MACROD2: variants seen among roughly 807,000 people sequenced by gnomAD.
MACROD2 encodes ADP-ribose glycohydrolase MACROD2.
A neutral mutation model predicts 70.4 loss-of-function variants in MACROD2; 36 were observed. The ratio of observed to expected loss-of-function variants is 0.51; its 90% confidence interval spans 0.39 to 0.68. MACROD2 has a LOEUF of 0.68. MACROD2 is among the 30% of genes least tolerant of loss of function. The probability of loss-of-function intolerance (pLI) is 0.00; values close to 1 mark genes in which losing one functional copy is unlikely to be tolerated. For missense variants in MACROD2, 496 were observed against 538.4 expected (o/e 0.92, Z 0.78); for synonymous variants, 172 against 178.8 (o/e 0.96, Z 0.30).
intron 6 of MACROD2, among the ~76,000 whole-genome samples, chr20:15,285,686 T>G (rs2077484651): frequency 6.6e-6 from 1 of 152,134 alleles, no homozygotes; most frequent in Non-Finnish European, 1.5e-5. Context: ...CCTGTACTGG[T>G]TTTAGGTATG....
At chr20:15,740,180 G>A (rs1039871936) in intron 8 of MACROD2, among the ~76,000 whole-genome samples, 10 of 152,152 alleles carry the variant, frequency 6.6e-5, no homozygotes, top group Admixed American at 2.0e-4. Flanking sequence ...TTGAGACTTG[G>A]AATGCTATCT....
chr20:14,167,879 C>A (rs1250990585), intron 3 of MACROD2, among the ~76,000 whole-genome samples: 3 of 152,162 alleles, frequency 2.0e-5, no homozygotes, highest in Non-Finnish European at 4.4e-5. Context: ...TAACTCTGTT[C>A]ATCTCACCCC....
intron 4 of MACROD2, among the ~76,000 whole-genome samples, chr20:14,617,984 C>G (rs1350099735): frequency 1.3e-5 from 2 of 152,130 alleles, no homozygotes; most frequent in Non-Finnish European, 2.9e-5. Flanking sequence ...AATCTCTCTT[C>G]TTTTGCGGAA....
At chr20:14,611,597 C>T (rs902505351) in intron 4 of MACROD2, among the ~76,000 whole-genome samples, 2 of 151,768 alleles carry the variant, frequency 1.3e-5, no homozygotes, top group African/African-American at 2.4e-5. Context: ...TTTGCTGTAC[C>T]GAAGGGCCTG....
chr20:15,618,095 CTTTTTTT>C (rs398035424), intron 8 of MACROD2, among the ~76,000 whole-genome samples: 1 of 70,840 alleles, frequency 1.4e-5, no homozygotes, highest in Non-Finnish European at 2.5e-5. Flanking sequence ...CATCATTAGT[CTTTTTTT>C]TTTTTTTTTT....
chr20:14,028,462 T>C (rs981941939), intron 2 of MACROD2, among the ~76,000 whole-genome samples: 3 of 151,984 alleles, frequency 2.0e-5, no homozygotes, highest in African/African-American at 7.3e-5. Context: ...CAGGCGCCAC[T>C]GGGGTATGAA....
intron 5 of MACROD2, among the ~76,000 whole-genome samples, chr20:14,735,753 G>C (rs2071656541): frequency 6.6e-6 from 1 of 152,110 alleles, no homozygotes; most frequent in South Asian, 2.1e-4. Flanking sequence ...GGGAGGCTGA[G>C]GTGGAAGGAT....
chr20:14,600,911 T>C (rs868148355), intron 4 of MACROD2, among the ~76,000 whole-genome samples: 1 of 152,174 alleles, frequency 6.6e-6, no homozygotes. Context: ...GTCTCATGTA[T>C]TATATAGAAA....
chr20:14,362,655 T>G (rs2083233180), intron 3 of MACROD2, among the ~76,000 whole-genome samples: 1 of 152,102 alleles, frequency 6.6e-6, no homozygotes. Flanking sequence ...GAATCTTTGA[T>G]CTCTTGGGCT....
At chr20:15,759,331 C>T (rs1475433176) in intron 8 of MACROD2, among the ~76,000 whole-genome samples, 1 of 151,966 alleles carries the variant, frequency 6.6e-6, no homozygotes, top group Non-Finnish European at 1.5e-5. Flanking sequence ...TTATATATTA[C>T]TAATGGAACT....
chr20:14,185,281 A>C (rs1262848373), intron 3 of MACROD2, among the ~76,000 whole-genome samples: 1 of 152,112 alleles, frequency 6.6e-6, no homozygotes, highest in Admixed American at 6.6e-5. Context: ...CATTTTCTTA[A>C]AGTTTTTATA....
At chr20:14,224,994 T>C (rs1051284960) in intron 3 of MACROD2, among the ~76,000 whole-genome samples, 1 of 152,230 alleles carries the variant, frequency 6.6e-6, no homozygotes, top group Non-Finnish European at 1.5e-5. Context: ...TTTCCTGGGA[T>C]TAAATTCCAG....
intron 8 of MACROD2, among the ~76,000 whole-genome samples, chr20:15,816,486 A>C (rs2063876850): frequency 6.6e-6 from 1 of 152,164 alleles, no homozygotes; most frequent in African/African-American, 2.4e-5. Context: ...CAAAAAAAAA[A>C]TAGATTTTCA....
intron 2 of MACROD2, among the ~76,000 whole-genome samples, chr20:14,011,875 C>T (rs557518015): frequency 6.6e-6 from 1 of 151,784 alleles, no homozygotes; most frequent in Non-Finnish European, 1.5e-5. Context: ...CCTTCTGCCT[C>T]TTGGTCAACA....
chr20:14,331,363 T>C (rs964438144), intron 3 of MACROD2, among the ~76,000 whole-genome samples: 1 of 152,150 alleles, frequency 6.6e-6, no homozygotes, highest in Non-Finnish European at 1.5e-5. Flanking sequence ...TTATTTTACC[T>C]GTTTTACATT....
chr20:15,800,598 C>T (rs1214235295), intron 8 of MACROD2, among the ~76,000 whole-genome samples: 4 of 152,148 alleles, frequency 2.6e-5, no homozygotes, highest in Non-Finnish European at 5.9e-5. Flanking sequence ...TGAGCCACCC[C>T]GTCCGGGAGG....
At chr20:15,545,177 AT>A (rs2048010548) in intron 8 of MACROD2, among the ~76,000 whole-genome samples, 1 of 152,212 alleles carries the variant, frequency 6.6e-6, no homozygotes, top group African/African-American at 2.4e-5. Flanking sequence ...TCATCTTGCA[AT>A]TCAGAATTCT....
At position 15,815,635 on chromosome 20, in the gene MACROD2, T is replaced by C. The variant is rs570951827; in HGVS notation, c.646-47110T>C. 1.2e-4 allele frequency among the ~76,000 whole-genome samples: 19 copies of C among 152,294 alleles called. No homozygotes were observed. In the South Asian group the frequency reaches 3.7e-3, roughly 30 times the overall value. ...AATATTATGACAGTTGTCCAGGTAG[T>C]TCTAAGTTTTGAAATTTTTTACTAA... On this transcript the variant is annotated intron_variant, in intron 8 of 17. Transcript: ENST00000684519.
At chr20:14,322,099 T>A (rs1276393425) in intron 3 of MACROD2, among the ~76,000 whole-genome samples, 1 of 147,516 alleles carries the variant, frequency 6.8e-6, no homozygotes, top group East Asian at 2.0e-4. Flanking sequence ...ATCATTTAGT[T>A]TGGGATGCAT....
Sources: allele counts gnomAD v4.1 joint callset (sites outside exome capture counted in the v4.1 genomes callset), GRCh38; gene constraint gnomAD v4.1.1; transcripts MANE v1.5; gene names NCBI Gene and HGNC (gene_info 2026-07-23, HGNC 2026-07-21).